IL1RAP: variants seen among roughly 807,000 people sequenced by gnomAD.
IL1RAP encodes the protein interleukin-1 receptor accessory protein.
In IL1RAP, 35 loss-of-function variants were observed where a neutral mutation model predicts 60.7. That is an observed-to-expected ratio of 0.58 (90% confidence interval 0.44 to 0.76). The LOEUF (loss-of-function observed/expected upper bound fraction) is 0.76. Among genes scored for constraint, IL1RAP ranks in the 30% least tolerant of loss-of-function variants. The pLI, the probability that IL1RAP is intolerant of heterozygous loss-of-function variation, is 0.00. For synonymous variants in IL1RAP, 268 were observed against 250.9 expected (o/e 1.07, Z -0.64); for missense variants, 572 against 693.9 (o/e 0.82, Z 1.97).
At chr3:190,627,495 C>T in intron 8 of IL1RAP, 46 bp downstream of exon 8, 2 of 1,583,430 alleles carry the variant, frequency 1.3e-6, no homozygotes, top group Non-Finnish European at 1.7e-6. Flanking sequence ...TGTTTCTCAA[C>T]TTAATGATCT....
At chr3:190,524,809 A>C (rs1722369984) in intron 1 of IL1RAP, among the ~76,000 whole-genome samples, 1 of 152,188 alleles carries the variant, frequency 6.6e-6, no homozygotes, top group Admixed American at 6.5e-5. Flanking sequence ...GAACCGGATA[A>C]GACAGTAAAT....
At chr3:190,656,412 T>C (rs1237892029), downstream of IL1RAP, 1 of 1,536,934 alleles carries the variant, frequency 6.5e-7, no homozygotes, top group East Asian at 2.4e-5. Context: ...AGAATCACCT[T>C]AGGAACAAGA....
At chr3:190,623,311 C>T (rs774571783) in intron 6 of IL1RAP, 33 bp from the exon 7 acceptor site, 35 of 1,525,474 alleles carry the variant, frequency 2.3e-5, no homozygotes, top group Non-Finnish European at 3.0e-5. Context: ...CCTGATTTAA[C>T]ATCATCTCCC....
intron 1 of IL1RAP, among the ~76,000 whole-genome samples, chr3:190,545,965 G>A (rs376423716): frequency 3.9e-5 from 6 of 152,240 alleles, no homozygotes; most frequent in East Asian, 1.9e-4. Context: ...CATTCCCCGC[G>A]TAGTCATAAT....
intron 3 of IL1RAP, among the ~76,000 whole-genome samples, chr3:190,603,697 G>T (rs1240639002): frequency 6.6e-6 from 1 of 152,088 alleles, no homozygotes; most frequent in Non-Finnish European, 1.5e-5. Context: ...ATTTCTATTG[G>T]ACATTGCAGA....
intron 3 of IL1RAP, among the ~76,000 whole-genome samples, chr3:190,597,696 T>C (rs1437770229): frequency 6.6e-6 from 1 of 152,204 alleles, no homozygotes; most frequent in Non-Finnish European, 1.5e-5. Context: ...AATGAGCATA[T>C]AGACAGTCTC....
chr3:190,519,975 C>T (rs897250546), intron 1 of IL1RAP, among the ~76,000 whole-genome samples: 1 of 152,092 alleles, frequency 6.6e-6, no homozygotes, highest in Non-Finnish European at 1.5e-5. Context: ...ATAGTTGGCA[C>T]CTAGAAGGGA....
At chr3:190,534,945 A>G (rs934403624) in intron 1 of IL1RAP, among the ~76,000 whole-genome samples, 2 of 151,902 alleles carry the variant, frequency 1.3e-5, no homozygotes, top group African/African-American at 4.8e-5. Context: ...GAAAACCAGC[A>G]AAGTGAAGTG....
At chr3:190,532,714 C>T (rs947424079) in intron 1 of IL1RAP, among the ~76,000 whole-genome samples, 5 of 152,094 alleles carry the variant, frequency 3.3e-5, no homozygotes, top group Non-Finnish European at 7.4e-5. Flanking sequence ...TGAGGCGTGC[C>T]GTGCATCCCA....
At chr3:190,564,762 T>G in intron 3 of IL1RAP, 1 of 191,072 alleles carries the variant, frequency 5.2e-6, no homozygotes, top group South Asian at 9.9e-5. Flanking sequence ...TTAAATAAAA[T>G]AATGAGTTTT....
chr3:190,591,751 A>G (rs1728957957), intron 3 of IL1RAP, among the ~76,000 whole-genome samples: 1 of 152,214 alleles, frequency 6.6e-6, no homozygotes, highest in Non-Finnish European at 1.5e-5. Flanking sequence ...TATTATATTA[A>G]AATAATCATT....
At chr3:190,552,378 A>G (rs1286198119) in intron 1 of IL1RAP, among the ~76,000 whole-genome samples, 2 of 152,194 alleles carry the variant, frequency 1.3e-5, no homozygotes, top group African/African-American at 4.8e-5. Flanking sequence ...ATGTTCACAC[A>G]GGGAATTTTT....
intron 3 of IL1RAP, among the ~76,000 whole-genome samples, chr3:190,592,983 A>C (rs1218873448): frequency 6.6e-6 from 1 of 152,226 alleles, no homozygotes; most frequent in East Asian, 1.9e-4. Flanking sequence ...TGCCATAAAC[A>C]GGAGTAGTAC....
chr3:190,520,181 A>T (rs947083307), intron 1 of IL1RAP, among the ~76,000 whole-genome samples: 1 of 152,120 alleles, frequency 6.6e-6, no homozygotes. Context: ...ACCTTAAAAT[A>T]TCTGCTGAGG....
chr3:190,593,299 A>T (rs1428410976), intron 3 of IL1RAP, among the ~76,000 whole-genome samples: 2 of 152,158 alleles, frequency 1.3e-5, no homozygotes, highest in East Asian at 3.9e-4. Context: ...AGGATGCGTG[A>T]TGGATGCTCA....
At chr3:190,645,395 GTGTTAA>G (rs1381406209) in intron 10 of IL1RAP, among the ~76,000 whole-genome samples, 1 of 152,184 alleles carries the variant, frequency 6.6e-6, no homozygotes, top group Non-Finnish European at 1.5e-5. Flanking sequence ...TTTCTCTACA[GTGTTAA>G]TTGCCAGTAC....
chr3:190,583,993 T>C lies in IL1RAP; in HGVS notation c.64+19640T>C, dbSNP rs572740151. Among the ~76,000 whole-genome samples the C allele has an allele frequency of 5.9e-5, 9 of 152,200 alleles. 1 individual carries two copies. The highest frequency in any genetic ancestry group is 4.6e-4 in the Admixed American group (7 of 15,280). ...CAACCATGTAAAAACCACCACAGTT[T>C]AGGTACAGAAAGTCCCATTATCCTC... is the stretch of plus-strand genomic sequence containing the variant. On this transcript the variant is annotated intron_variant, in intron 3 of 11. Coordinates refer to ENST00000447382, the MANE Select transcript of IL1RAP (RefSeq NM_002182.4).
chr3:190,589,538 C>T (rs1323909804), intron 3 of IL1RAP, among the ~76,000 whole-genome samples: 2 of 152,190 alleles, frequency 1.3e-5, no homozygotes, highest in Non-Finnish European at 2.9e-5. Flanking sequence ...GCCTGTGTCT[C>T]TTCCTCTGGC....
exon 12 of IL1RAP, chr3:190,658,955 A>G (rs922506722): frequency 1.3e-5 from 2 of 152,180 alleles, no homozygotes; most frequent in African/African-American, 4.8e-5. Context: ...CCTCTATTAA[A>G]TCCCTTCTTG....
Sources: gnomAD v4.1 joint callset for allele counts (sites outside exome capture counted in the v4.1 genomes callset) on GRCh38, gnomAD v4.1.1 for gene constraint, MANE v1.5 for transcripts, NCBI Gene and HGNC (gene_info 2026-07-23, HGNC 2026-07-21) for gene names.